Variants in EPB41L4A observed in about 807,000 individuals in gnomAD.
EPB41L4A encodes the protein band 4.1-like protein 4A.
Under a neutral mutation model 108.6 loss-of-function variants are expected in EPB41L4A, and 100 were observed. That is an observed-to-expected ratio of 0.92 (90% CI 0.78 to 1.09). The LOEUF is 1.09. Ranked by LOEUF, EPB41L4A falls within the 50% of genes least tolerant of loss-of-function variation. The pLI, the probability that EPB41L4A is intolerant of heterozygous loss-of-function variation, is 0.00. For missense variants in EPB41L4A, 1,030 were observed against 842.7 expected, an observed-to-expected ratio of 1.22 and a Z score of -2.75; for synonymous variants, 319 against 289.0, an observed-to-expected ratio of 1.10 and a Z score of -1.05.
intron 2 of EPB41L4A, among the ~76,000 whole-genome samples, chr5:112,300,120 T>G (rs909543819): frequency 5.3e-5 from 8 of 152,222 alleles, no homozygotes; most frequent in African/African-American, 2.4e-5. Flanking sequence ...ATCTTTTAAG[T>G]GGAGCATTTA....
chr5:112,331,731 T>G (rs532878193), intron 1 of EPB41L4A, among the ~76,000 whole-genome samples: 1 of 151,994 alleles, frequency 6.6e-6, no homozygotes, highest in Non-Finnish European at 1.5e-5. Flanking sequence ...GCTGATGGAG[T>G]TGGGAGGCAA....
At chr5:112,389,325 T>A (rs1760775354) in intron 1 of EPB41L4A, among the ~76,000 whole-genome samples, 1 of 152,196 alleles carries the variant, frequency 6.6e-6, no homozygotes, top group Admixed American at 6.5e-5. Context: ...AGGCCACTGT[T>A]TTGGACTAAG....
chr5:112,294,430 A>T (rs1023548806), intron 2 of EPB41L4A, among the ~76,000 whole-genome samples: 1 of 152,228 alleles, frequency 6.6e-6, no homozygotes, highest in Non-Finnish European at 1.5e-5. Context: ...AGTGGTGAAT[A>T]GGATTCAATG....
rs1401304963 is a variant in EPB41L4A at position 112,170,949 on chromosome 5, T to G, written c.1666A>C (p.Ile556Leu). The change falls in exon 19 of 23, where the codon ATT becomes CTT. Residue 556 changes from isoleucine (I) to leucine (L), a missense_variant. Ile to Leu is a conservative substitution (Grantham distance 5, BLOSUM62 2). Transcript: ENST00000261486. Reference sequence around the variant, plus strand: ...AGAAAGAAAACTATTACTCACTGAATGTGCTTCCATAACTCTTCTTTTGCT... The same window carrying G: ...AGAAAGAAAACTATTACTCACTGAAGGTGCTTCCATAACTCTTCTTTTGCT... ...IQAKEELWKH[I>L]QKELVDPSGL... 5 of 1,613,310 alleles carry G rather than the reference T, an allele frequency of 3.1e-6. No individual in the cohort carries two copies. Among genetic ancestry groups the G allele is most frequent in the Non-Finnish European group, 4.2e-6 (5 of 1,179,274 alleles).
intron 8 of EPB41L4A, 104 bp downstream of exon 8, chr5:112,259,787 C>G: frequency 1.3e-6 from 1 of 792,324 alleles, no homozygotes; most frequent in Non-Finnish European, 2.2e-6. Context: ...ATTTATCACC[C>G]ACTGGAAATA....
At chr5:112,205,790 G>A (rs1478147889) in intron 13 of EPB41L4A, among the ~76,000 whole-genome samples, 1 of 152,162 alleles carries the variant, frequency 6.6e-6, no homozygotes, top group East Asian at 1.9e-4. Context: ...ACCTGCAGGA[G>A]AGGCAGCAAG....
At chr5:112,276,088 G>T (rs1344829176) in intron 3 of EPB41L4A, among the ~76,000 whole-genome samples, 1 of 152,126 alleles carries the variant, frequency 6.6e-6, no homozygotes, top group Non-Finnish European at 1.5e-5. Context: ...TAATTCATTA[G>T]AATTTTCTTA....
intron 12 of EPB41L4A, 111 bp from the exon 13 acceptor site, chr5:112,210,093 T>G (rs561473190): frequency 3.2e-6 from 2 of 617,790 alleles, no homozygotes; most frequent in Admixed American, 6.4e-5. Flanking sequence ...GTGGCACATT[T>G]TATTGATAAA....
chr5:112,374,143 G>T (rs1759662538), intron 1 of EPB41L4A, among the ~76,000 whole-genome samples: 1 of 152,142 alleles, frequency 6.6e-6, no homozygotes, highest in Non-Finnish European at 1.5e-5. Flanking sequence ...AAATGTCAGA[G>T]GCATCCCCAT....
At chr5:112,380,985 TG>T (rs1760142150) in intron 1 of EPB41L4A, among the ~76,000 whole-genome samples, 1 of 152,260 alleles carries the variant, frequency 6.6e-6, no homozygotes, top group African/African-American at 2.4e-5. Context: ...CCAAAACTCA[TG>T]GGGCCAGATG....
chr5:112,289,493 A>C (rs563399084), intron 2 of EPB41L4A, among the ~76,000 whole-genome samples: 1 of 152,330 alleles, frequency 6.6e-6, no homozygotes, highest in South Asian at 2.1e-4. Context: ...TTGAACCAAT[A>C]GAATGCCACA....
At chr5:112,396,603 T>C (rs149773026) in intron 1 of EPB41L4A, among the ~76,000 whole-genome samples, 1,980 of 152,320 alleles carry the variant, frequency 0.013, 24 homozygotes, top group Non-Finnish European at 0.02. Flanking sequence ...AGGGCTGCAG[T>C]CCATTGAAGG....
chr5:112,157,333 G>A (rs937671501), intron 12 of EPB41L4A, among the ~76,000 whole-genome samples: 4 of 152,070 alleles, frequency 2.6e-5, no homozygotes, highest in Admixed American at 6.5e-5. Context: ...GCAAAATCTC[G>A]TTTCCACTCC....
Position 112,246,984 on chromosome 5 carries a change from T to C in EPB41L4A, c.796-6174A>G, listed in dbSNP as rs140841938. 7.5e-4 allele frequency among the ~76,000 whole-genome samples: 114 copies of C among 152,366 alleles called. No individual in the cohort carries two copies. The East Asian group carries it at 0.014, about 18-fold the overall frequency. On this transcript the variant is annotated intron_variant, in intron 9 of 22. Transcript: ENST00000261486. ...ACTTTAGCAAATAAATCTCCTAAAATGATTGAGACTTGTCTCGTTATTTTC... is the reference window on the plus strand; with the variant it reads ...ACTTTAGCAAATAAATCTCCTAAAACGATTGAGACTTGTCTCGTTATTTTC...
chr5:112,398,514 G>A (rs570620800), intron 1 of EPB41L4A, among the ~76,000 whole-genome samples: 50 of 152,134 alleles, frequency 3.3e-4, no homozygotes, highest in African/African-American at 9.9e-4. Flanking sequence ...TCAGCCTTCC[G>A]AGTAGCTGGG....
At chr5:112,167,741 G>C (rs761389912) in intron 22 of EPB41L4A, among the ~76,000 whole-genome samples, 2 of 152,062 alleles carry the variant, frequency 1.3e-5, no homozygotes, top group Non-Finnish European at 2.9e-5. Context: ...TATGGATCCC[G>C]TGGGCACTTT....
chr5:112,157,045 A>T (rs1376683396), intron 12 of EPB41L4A, among the ~76,000 whole-genome samples: 1 of 152,118 alleles, frequency 6.6e-6, no homozygotes, highest in African/African-American at 2.4e-5. Context: ...ATATAAAGAC[A>T]TTATAAAAAA....
intron 18 of EPB41L4A, among the ~76,000 whole-genome samples, chr5:112,178,688 AAAGAC>A (rs1198506619): frequency 6.6e-6 from 1 of 152,060 alleles, no homozygotes; most frequent in East Asian, 1.9e-4. Context: ...AGCATCAAAA[AAAGAC>A]AAGATACATT....
At chr5:112,367,859 A>T (rs1253071390) in intron 1 of EPB41L4A, among the ~76,000 whole-genome samples, 1 of 152,228 alleles carries the variant, frequency 6.6e-6, no homozygotes, top group East Asian at 1.9e-4. Context: ...CCGGCTGAAC[A>T]AACTGAATTG....
Sources: gnomAD v4.1 joint callset for allele counts (sites outside exome capture counted in the v4.1 genomes callset) on GRCh38, gnomAD v4.1.1 for gene constraint, MANE v1.5 for transcripts, NCBI Gene and HGNC (gene_info 2026-07-23, HGNC 2026-07-21) for gene names.